CLDN16: variants seen among roughly 807,000 people sequenced by gnomAD.
CLDN16 encodes claudin-16.
In CLDN16, 13 loss-of-function variants were observed where a neutral mutation model predicts 24.6. The ratio of observed to expected loss-of-function variants is 0.53; its 90% CI spans 0.34 to 0.84. The LOEUF is 0.84. Ranked by LOEUF, CLDN16 falls within the 40% of genes least tolerant of loss-of-function variation. The pLI is 0.01. For missense variants in CLDN16, 298 were observed against 292.7 expected, an observed-to-expected ratio of 1.02 and a Z score of -0.13; for synonymous variants, 116 against 106.7, an observed-to-expected ratio of 1.09 and a Z score of -0.54.
At chr3:190,393,865 C>T (rs961360643) in intron 1 of CLDN16, among the ~76,000 whole-genome samples, 1 of 151,674 alleles carries the variant, frequency 6.6e-6, no homozygotes, top group African/African-American at 2.4e-5. Context: ...ATTCTCCTGC[C>T]TCAGCCTCCT....
chr3:190,360,954 C>T lies in CLDN16; in HGVS notation n.122-9939C>T, dbSNP rs148768927. 1.4e-3 allele frequency among the ~76,000 whole-genome samples: 217 copies of T among 152,016 alleles called. 2 individuals are homozygous for T. The highest frequency in any genetic ancestry group is 4.1e-3 in the African/African-American group (170 of 41,508). ...TGCTATTATTAAATGTGATAAACTC[C>T]ATAATACGTTGTTATTGTACTTGCT... On this transcript the variant is annotated intron_variant and non_coding_transcript_variant, in intron 1 of 4. Transcript: ENST00000468220.
upstream of CLDN16, among the ~76,000 whole-genome samples, chr3:190,386,002 C>A (rs1718489323): frequency 1.3e-5 from 2 of 152,138 alleles, no homozygotes; most frequent in South Asian, 4.1e-4. Flanking sequence ...CCAGTGTACA[C>A]TCAGGTTGAA....
chr3:190,307,415 A>G, the CLDN16 span: 1 of 152,254 alleles, frequency 6.6e-6, no homozygotes, highest in Non-Finnish European at 1.5e-5. Context: ...GGGGAACAGC[A>G]TGCAGCTACT....
rs780921178 is a variant in CLDN16 at position 190,402,456 on chromosome 3, G to T, written c.217+17G>T. 1.9e-6 allele frequency: 3 copies of T among 1,572,008 alleles called. No homozygotes were observed. The highest frequency in any genetic ancestry group is 2.7e-5 in the African/African-American group (2 of 73,998). On this transcript the variant is annotated intron_variant, in intron 2 of 4. Coordinates refer to ENST00000264734, the MANE Select transcript of CLDN16 (RefSeq NM_006580.4). ...AGCATCCCTGTACGTATGCCTTAGA[G>T]CTCACTGCTTGCCAGGAAGGGAAAG...
At chr3:190,305,582 T>C in the CLDN16 span, 1 of 152,112 alleles carries the variant, frequency 6.6e-6, no homozygotes, top group African/African-American at 2.4e-5. Context: ...TCAAATTTGA[T>C]AGATGGGCCA....
chr3:190,305,831 A>C, the CLDN16 span: 1 of 152,204 alleles, frequency 6.6e-6, no homozygotes, highest in South Asian at 2.1e-4. Context: ...AAAGATCAAA[A>C]TTGGATAAAT....
At chr3:190,390,534 A>G (rs920484409) in intron 1 of CLDN16, among the ~76,000 whole-genome samples, 2 of 130,006 alleles carry the variant, frequency 1.5e-5, no homozygotes, top group Non-Finnish European at 3.4e-5. Flanking sequence ...CTCCATCTTA[A>G]AAAAGAAGAA....
At chr3:190,295,295 CAG>C in the CLDN16 span, among the ~76,000 whole-genome samples, 2 of 151,960 alleles carry the variant, frequency 1.3e-5, no homozygotes, top group Admixed American at 6.6e-5. Context: ...GCAATAAACT[CAG>C]AGAAAAAAAG....
the CLDN16 span, among the ~76,000 whole-genome samples, chr3:190,301,483 G>A: frequency 8.7e-6 from 1 of 115,596 alleles, no homozygotes; most frequent in South Asian, 2.4e-4. Context: ...GACAGAATGA[G>A]ACTCTGTCTC....
chr3:190,303,094 A>C, the CLDN16 span, among the ~76,000 whole-genome samples: 3 of 152,088 alleles, frequency 2.0e-5, no homozygotes, highest in African/African-American at 7.2e-5. Flanking sequence ...TTTTAATTTT[A>C]TTATCAAATA....
intron 4 of CLDN16, among the ~76,000 whole-genome samples, chr3:190,408,923 G>A (rs759617032): frequency 4.7e-5 from 7 of 147,980 alleles, no homozygotes; most frequent in Non-Finnish European, 1.0e-4. Flanking sequence ...TAGTACATAT[G>A]TATACACATA....
intron 1 of CLDN16, among the ~76,000 whole-genome samples, chr3:190,327,898 A>C (rs1717101729): frequency 6.6e-6 from 1 of 152,192 alleles, no homozygotes; most frequent in Non-Finnish European, 1.5e-5. Flanking sequence ...TTAGTGAATA[A>C]AACAATTTTG....
intron 1 of CLDN16, among the ~76,000 whole-genome samples, chr3:190,364,789 G>A (rs910065951): frequency 2.0e-5 from 3 of 151,600 alleles, no homozygotes; most frequent in African/African-American, 7.3e-5. Flanking sequence ...ATTCCCAAAT[G>A]TGGAATATGC....
the CLDN16 span, among the ~76,000 whole-genome samples, chr3:190,294,503 A>G: frequency 1.3e-5 from 2 of 152,132 alleles, no homozygotes; most frequent in African/African-American, 4.8e-5. Flanking sequence ...GCACGCTTTT[A>G]CTTACTTTTT....
intron 1 of CLDN16, among the ~76,000 whole-genome samples, chr3:190,361,372 C>T (rs1172176337): frequency 1.3e-5 from 2 of 151,988 alleles, no homozygotes; most frequent in African/African-American, 4.8e-5. Flanking sequence ...TGCCTTTAAC[C>T]TGTAAGCTGT....
the CLDN16 span, chr3:190,312,726 A>G: frequency 1.2e-6 from 1 of 854,404 alleles, no homozygotes; most frequent in Non-Finnish European, 1.9e-6. Flanking sequence ...TTTGTGTTTG[A>G]GAACATGAAA....
At chr3:190,335,676 C>T (rs1236187410) in intron 1 of CLDN16, among the ~76,000 whole-genome samples, 2 of 135,086 alleles carry the variant, frequency 1.5e-5, no homozygotes, top group Admixed American at 1.6e-4. Flanking sequence ...CGTGCCACTG[C>T]ACTCCAGCCT....
intron 2 of CLDN16, among the ~76,000 whole-genome samples, chr3:190,371,238 T>G (rs958510993): frequency 2.0e-5 from 3 of 151,338 alleles, no homozygotes; most frequent in Non-Finnish European, 4.4e-5. Context: ...TATACATATT[T>G]AATCTATTAG....
rs556961140 is a variant in CLDN16, at chr3:190,325,047, G to A, written n.121+2386G>A. 7.2e-5 allele frequency among the ~76,000 whole-genome samples: 11 copies of A among 152,232 alleles called. 1 individual carries two copies. The South Asian group carries it at 2.3e-3, about 32-fold the overall frequency. On this transcript the variant is annotated intron_variant and non_coding_transcript_variant, in intron 1 of 4. Coordinates refer to the CLDN16 transcript ENST00000468220. Reference sequence around the variant, plus strand: ...GTTTCCCTACCAATAAAAGGGATGGGGTTAATTTCTGAAAGTCACCCAAGT... The same window carrying A: ...GTTTCCCTACCAATAAAAGGGATGGAGTTAATTTCTGAAAGTCACCCAAGT...
Sources: allele counts gnomAD v4.1 joint callset (sites outside exome capture counted in the v4.1 genomes callset), GRCh38; gene constraint gnomAD v4.1.1; transcripts MANE v1.5; gene names NCBI Gene and HGNC (gene_info 2026-07-23, HGNC 2026-07-21).